MARCHF1: variants seen among roughly 807,000 people sequenced by gnomAD.
MARCHF1 encodes membrane associated ring-CH-type finger 1.
MARCHF1 carries 40 observed loss-of-function variants against 54.2 expected under a neutral mutation model. The ratio of observed to expected loss-of-function variants is 0.74; its 90% CI spans 0.57 to 0.96. The LOEUF is 0.96. Among genes scored for constraint, MARCHF1 ranks in the 40% least tolerant of loss-of-function variants. The pLI is 0.00. For synonymous variants in MARCHF1, 236 were observed against 236.3 expected, an observed-to-expected ratio of 1.00 and a Z score of 0.01; for missense variants, 586 against 656.5, an observed-to-expected ratio of 0.89 and a Z score of 1.17.
At chr4:164,345,183 A>T (rs924215246) in intron 1 of MARCHF1, among the ~76,000 whole-genome samples, 11 of 152,214 alleles carry the variant, frequency 7.2e-5, no homozygotes, top group Non-Finnish European at 1.2e-4. Context: ...GGCTATGTTA[A>T]TACCCTGATC....
chr4:163,823,321 C>T (rs939073838), intron 4 of MARCHF1, among the ~76,000 whole-genome samples: 2 of 151,650 alleles, frequency 1.3e-5, no homozygotes, highest in Non-Finnish European at 2.9e-5. Context: ...ACAACTTGGC[C>T]TGGATCAGGT....
chr4:164,156,708 C>T (rs1392096391), intron 1 of MARCHF1, among the ~76,000 whole-genome samples: 6 of 152,118 alleles, frequency 3.9e-5, no homozygotes, highest in Admixed American at 6.6e-5. Flanking sequence ...GGATTACAGG[C>T]GTTAGTCACC....
At chr4:163,893,758 T>C (rs1012383589) in intron 3 of MARCHF1, among the ~76,000 whole-genome samples, 1 of 152,176 alleles carries the variant, frequency 6.6e-6, no homozygotes, top group African/African-American at 2.4e-5. Context: ...ATAATAATGA[T>C]TTTTTAAAGT....
chr4:163,768,875 CTCTT>C (rs1260162000), intron 4 of MARCHF1, among the ~76,000 whole-genome samples: 2 of 152,086 alleles, frequency 1.3e-5, no homozygotes, highest in Admixed American at 1.3e-4. Context: ...CCTATACTTT[CTCTT>C]TCTTTAAGCC....
At chr4:163,810,674 A>G (rs1190327253) in intron 4 of MARCHF1, among the ~76,000 whole-genome samples, 1 of 152,214 alleles carries the variant, frequency 6.6e-6, no homozygotes, top group Non-Finnish European at 1.5e-5. Context: ...TTAAATTTAA[A>G]ATTAAGAATA....
intron 8 of MARCHF1, among the ~76,000 whole-genome samples, chr4:163,583,008 G>T (rs536648173): frequency 6.6e-6 from 1 of 152,300 alleles, no homozygotes; most frequent in Admixed American, 6.5e-5. Context: ...ATGCATCATG[G>T]AGGGAGGAAC....
At chr4:163,537,014 G>T (rs4591544) in intron 9 of MARCHF1, among the ~76,000 whole-genome samples, 64,285 of 151,738 alleles carry the variant, frequency 0.42, 14,198 homozygotes, top group Admixed American at 0.54. Flanking sequence ...CTGCTCTTTT[G>T]CTTGCCTTCA....
intron 1 of MARCHF1, among the ~76,000 whole-genome samples, chr4:164,154,061 A>C (rs1026074763): frequency 7.9e-5 from 12 of 152,222 alleles, no homozygotes; most frequent in Non-Finnish European, 1.8e-4. Flanking sequence ...ATTTTGGGTT[A>C]TATATGTGAA....
chr4:164,295,978 C>T (rs145454157), intron 1 of MARCHF1, among the ~76,000 whole-genome samples: 18 of 152,122 alleles, frequency 1.2e-4, no homozygotes, highest in East Asian at 7.7e-4. Flanking sequence ...TACACACACA[C>T]GCAAACCATC....
intron 1 of MARCHF1, among the ~76,000 whole-genome samples, chr4:164,213,554 A>C (rs1306706566): frequency 1.3e-5 from 2 of 152,062 alleles, no homozygotes; most frequent in Non-Finnish European, 2.9e-5. Context: ...ACTTTTAAAA[A>C]TTCTACGTAA....
intron 1 of MARCHF1, among the ~76,000 whole-genome samples, chr4:164,203,037 C>T (rs1008085698): frequency 1.3e-5 from 2 of 151,122 alleles, no homozygotes; most frequent in Non-Finnish European, 3.0e-5. Context: ...GATTGAGTTT[C>T]TGATTTTGGA....
chr4:163,878,789 T>C (rs1266266822), intron 3 of MARCHF1, among the ~76,000 whole-genome samples: 1 of 152,202 alleles, frequency 6.6e-6, no homozygotes, highest in African/African-American at 2.4e-5. Flanking sequence ...GTCAGTTTTT[T>C]TGTACCAGCA....
intron 1 of MARCHF1, among the ~76,000 whole-genome samples, chr4:164,248,367 T>A (rs1733022503): frequency 6.6e-6 from 1 of 152,102 alleles, no homozygotes; most frequent in Non-Finnish European, 1.5e-5. Flanking sequence ...TGTCCCATTG[T>A]TAAAGCCTTT....
intron 2 of MARCHF1, among the ~76,000 whole-genome samples, chr4:164,031,892 T>C (rs1041696879): frequency 6.6e-6 from 1 of 152,154 alleles, no homozygotes. Context: ...TTTGGAAAAA[T>C]TTCAGAAGGA....
chr4:163,971,902 T>C (rs1025817031), intron 3 of MARCHF1, among the ~76,000 whole-genome samples: 6 of 152,210 alleles, frequency 3.9e-5, no homozygotes, highest in African/African-American at 1.4e-4. Flanking sequence ...TGCACATGTA[T>C]GTTTACTGCG....
chr4:163,880,965 C>A (rs1032566262), intron 3 of MARCHF1, among the ~76,000 whole-genome samples: 5 of 152,130 alleles, frequency 3.3e-5, no homozygotes, highest in African/African-American at 1.2e-4. Context: ...CTCAGGGAAT[C>A]ACCTAAGGAA....
At chr4:163,717,305 G>A (rs1414090677) in intron 4 of MARCHF1, among the ~76,000 whole-genome samples, 14 of 151,444 alleles carry the variant, frequency 9.2e-5, no homozygotes, top group Non-Finnish European at 4.4e-5. Context: ...CTTCATCCAT[G>A]TCCCTACAAA....
At chr4:164,019,381 T>C (rs1329917720) in intron 2 of MARCHF1, among the ~76,000 whole-genome samples, 1 of 152,208 alleles carries the variant, frequency 6.6e-6, no homozygotes, top group Non-Finnish European at 1.5e-5. Context: ...AGTAAAACCA[T>C]TTTGAGAATG....
intron 2 of MARCHF1, among the ~76,000 whole-genome samples, chr4:164,095,373 C>T (rs796700224): frequency 5.9e-5 from 9 of 151,464 alleles, no homozygotes; most frequent in African/African-American, 1.7e-4. Context: ...AACAAATGCC[C>T]GAGAAGTGGT....
Sources: allele counts gnomAD v4.1 joint callset (sites outside exome capture counted in the v4.1 genomes callset), GRCh38; gene constraint gnomAD v4.1.1; transcripts MANE v1.5; gene names NCBI Gene and HGNC (gene_info 2026-07-23, HGNC 2026-07-21).